MYO1B: variants seen among roughly 807,000 people sequenced by gnomAD.
MYO1B encodes myosin IB.
In MYO1B, 72 loss-of-function variants were observed where a neutral mutation model predicts 159.7. The observed-to-expected ratio is 0.45, with a 90% CI of 0.37 to 0.55. The LOEUF (loss-of-function observed/expected upper bound fraction) is 0.55. MYO1B is among the 20% of genes least tolerant of loss of function. The pLI is 0.00. For synonymous variants in MYO1B, 468 were observed against 473.8 expected (o/e 0.99, Z 0.16); for missense variants, 1,062 against 1,364.8 (o/e 0.78, Z 3.50).
Position 191,381,471 on chromosome 2 carries a change from TTTGAGCAG to T in MYO1B, c.1198_1205del (p.Glu400HisfsTer3), listed in dbSNP as rs1559217887. Reference sequence around the variant, plus strand: ...CATTTTCTCCATACAGGACAACAGCTTTGAGCAGTTCATTATTAATTATTGTAACGAAA... The same window carrying T: ...CATTTTCTCCATACAGGACAACAGCTTTCATTATTAATTATTGTAACGAAA... On this transcript the variant is annotated frameshift_variant, in exon 14 of 31. Transcript: ENST00000392318. LOFTEE classifies it high-confidence loss of function. 1 of 1,613,466 alleles carries T rather than the reference TTTGAGCAG, an allele frequency of 6.2e-7. No individual in the cohort carries two copies. Among genetic ancestry groups the T allele is most frequent in the Non-Finnish European group, 8.5e-7 (1 of 1,179,538 alleles).
In MYO1B at chr2:191,363,817, G is replaced by T; in HGVS notation, c.855G>T (p.Glu285Asp). 1 of 1,613,906 alleles carries T rather than the reference G, an allele frequency of 6.2e-7. No homozygotes were observed. The highest frequency in any genetic ancestry group is 8.5e-7 in the Non-Finnish European group (1 of 1,179,956). ...VAAVLKLGNI[E>D]FKPESRVNGL... Reference sequence around the variant, plus strand: ...CAGTGTTGAAACTGGGGAACATTGAGTTCAAGCCCGAATCTCGAGTGAATG... The same window carrying T: ...CAGTGTTGAAACTGGGGAACATTGATTTCAAGCCCGAATCTCGAGTGAATG... The change falls in exon 10 of 31, where the codon GAG becomes GAT. Residue 285 changes from glutamate to aspartate, a missense_variant. By Grantham distance (45) the Glu-to-Asp change is conservative. This residue lies in a region of MYO1B where 415 missense variants were observed against 544.0 expected (regional missense o/e 0.76). Coordinates refer to ENST00000392318, the MANE Select transcript of MYO1B (RefSeq NM_001130158.3).
intron 21 of MYO1B, among the ~76,000 whole-genome samples, chr2:191,399,237 G>T (rs1052647217): frequency 6.6e-6 from 1 of 152,060 alleles, no homozygotes; most frequent in Non-Finnish European, 1.5e-5. Flanking sequence ...CTTTGGCTCG[G>T]CATCAGAGGG....
chr2:191,299,337 G>A (rs898872729), intron 3 of MYO1B, among the ~76,000 whole-genome samples: 2 of 152,176 alleles, frequency 1.3e-5, no homozygotes, highest in African/African-American at 4.8e-5. Flanking sequence ...TACGTGGTGA[G>A]CAAAGTACAG....
intron 3 of MYO1B, among the ~76,000 whole-genome samples, chr2:191,311,390 G>T (rs953945598): frequency 3.3e-5 from 5 of 152,160 alleles, no homozygotes; most frequent in African/African-American, 1.2e-4. Context: ...AAGGTCTTAG[G>T]TTACTGGCTT....
chr2:191,266,679 G>A (rs13417681), intron 1 of MYO1B, among the ~76,000 whole-genome samples: 5,986 of 152,196 alleles, frequency 0.039, 402 homozygotes, highest in African/African-American at 0.14. Context: ...CTTTTTTAAA[G>A]GAAGGTTTTG....
intron 3 of MYO1B, among the ~76,000 whole-genome samples, chr2:191,328,559 G>A (rs1691254066): frequency 6.6e-6 from 1 of 152,202 alleles, no homozygotes; most frequent in African/African-American, 2.4e-5. Context: ...TAAACGTAAA[G>A]AGCTTGGAGG....
At position 191,400,456 on chromosome 2, in the gene MYO1B, G is replaced by A; in HGVS notation, c.2370G>A (p.Trp790Ter). ...CAGTCACGACCATTGCTGCATATTGGCATGGGACCCAGGTAGGCCCGAGAC... is the reference window on the plus strand; with the variant it reads ...CAGTCACGACCATTGCTGCATATTGACATGGGACCCAGGTAGGCCCGAGAC... ...KEAVTTIAAY[W>*]HGTQARRELR... Residue 790 changes from tryptophan to a stop codon, truncating the protein, a stop_gained, in exon 22 of 31, where the codon TGG becomes TGA. Coordinates refer to ENST00000392318, the MANE Select transcript of MYO1B (RefSeq NM_001130158.3). LOFTEE classifies it high-confidence loss of function. 1 of 1,614,146 alleles carries A rather than the reference G, an allele frequency of 6.2e-7. No individual in the cohort carries two copies. Among genetic ancestry groups the A allele is most frequent in the Non-Finnish European group, 8.5e-7 (1 of 1,180,022 alleles).
At chr2:191,347,102 A>G (rs959035290) in intron 6 of MYO1B, among the ~76,000 whole-genome samples, 5 of 152,188 alleles carry the variant, frequency 3.3e-5, no homozygotes, top group African/African-American at 7.2e-5. Context: ...ACCAGGGACA[A>G]TTTTGATGAT....
At chr2:191,341,606 A>G (rs763779577) in intron 5 of MYO1B, 41 bp downstream of exon 5, 2 of 1,480,054 alleles carry the variant, frequency 1.4e-6, no homozygotes, top group South Asian at 1.1e-5. Flanking sequence ...TGACTCAAAC[A>G]GTAGATTGAG....
intron 21 of MYO1B, among the ~76,000 whole-genome samples, chr2:191,397,128 C>CTTTTTTTTTT (rs796198342): frequency 9.3e-4 from 30 of 32,254 alleles, no homozygotes; most frequent in African/African-American, 1.6e-3. Flanking sequence ...AAGATGATTT[C>CTTTTTTTTTT]TTTTTTTTTT....
intron 14 of MYO1B, among the ~76,000 whole-genome samples, chr2:191,382,590 G>C (rs1695107351): frequency 6.6e-6 from 1 of 152,140 alleles, no homozygotes; most frequent in Admixed American, 6.5e-5. Flanking sequence ...ACACTTCTAA[G>C]AATATATAGG....
rs1229287068 is a variant in MYO1B, at chr2:191,424,970, A to AG, written c.*1013dup. On this transcript the variant is annotated 3_prime_UTR_variant, in exon 31 of 31. Transcript: ENST00000392318. Reference sequence around the variant, plus strand: ...TTTGTATGAGAAAGGTGATTGGTACAGGGTGCCTATTTTAGTCATGGATCA... The same window carrying AG: ...TTTGTATGAGAAAGGTGATTGGTACAGGGGTGCCTATTTTAGTCATGGATCA... The AG allele has an allele frequency of 2.6e-5, 4 of 152,584 alleles. No individual in the cohort carries two copies. The highest frequency in any genetic ancestry group is 2.0e-4 in the Admixed American group (3 of 15,268). The allele number at this position is 152,584 out of a possible 1,614,324, so 9.5% of individuals were successfully genotyped here.
chr2:191,410,249 A>G (rs1697176446), intron 26 of MYO1B, among the ~76,000 whole-genome samples: 1 of 151,914 alleles, frequency 6.6e-6, no homozygotes, highest in Non-Finnish European at 1.5e-5. Flanking sequence ...CCTCCATTGG[A>G]TTGGAGGTGG....
At chr2:191,390,146 A>G (rs972476564) in intron 17 of MYO1B, 146 bp from the exon 18 acceptor site, 19 of 716,018 alleles carry the variant, frequency 2.7e-5, no homozygotes, top group African/African-American at 3.5e-5. Flanking sequence ...AAATGATTTG[A>G]AATAATTTCA....
chr2:191,393,332 C>A, intron 20 of MYO1B, 110 bp downstream of exon 20: 3 of 1,242,792 alleles, frequency 2.4e-6, no homozygotes, highest in Non-Finnish European at 3.3e-6. Context: ...CCAACAACCT[C>A]ATGAGATAAT....
chr2:191,403,231 A>G (rs918520896), intron 24 of MYO1B, among the ~76,000 whole-genome samples: 1 of 152,216 alleles, frequency 6.6e-6, no homozygotes, highest in African/African-American at 2.4e-5. Context: ...ACAGATTTTG[A>G]TGAATGAGTT....
chr2:191,371,692 A>G (rs1162520291), intron 13 of MYO1B, among the ~76,000 whole-genome samples: 1 of 152,186 alleles, frequency 6.6e-6, no homozygotes, highest in African/African-American at 2.4e-5. Context: ...TCCCAAAGTA[A>G]CAGGTTCCCC....
intron 1 of MYO1B, among the ~76,000 whole-genome samples, chr2:191,256,323 A>G (rs1399686415): frequency 6.6e-6 from 1 of 152,140 alleles, no homozygotes; most frequent in African/African-American, 2.4e-5. Flanking sequence ...AATGTGGGTA[A>G]TTTTGCAGAG....
chr2:191,370,382 G>A (rs895656125), intron 13 of MYO1B, 90 bp downstream of exon 13: 9 of 868,464 alleles, frequency 1.0e-5, no homozygotes, highest in African/African-American at 6.8e-5. Flanking sequence ...ATAAGTAACT[G>A]TAACTTTGAA....
Sources: gnomAD v4.1 joint callset for allele counts (sites outside exome capture counted in the v4.1 genomes callset) on GRCh38, gnomAD v4.1.1 for gene constraint, gnomAD v4.1.1 regional missense constraint, MANE v1.5 for transcripts, NCBI Gene and HGNC (gene_info 2026-07-23, HGNC 2026-07-21) for gene names.